Variants in WWOX observed in about 807,000 individuals in gnomAD.
The protein encoded by WWOX is WW domain-containing oxidoreductase.
In WWOX, 69 loss-of-function variants were observed where a neutral mutation model predicts 46.2. The ratio of observed to expected loss-of-function variants is 1.49; its 90% CI spans 1.23 to 1.82. The LOEUF is 1.82. Ranked by LOEUF, WWOX falls within the 40% of genes most tolerant of loss-of-function variation. WWOX has a pLI of 0.00. For missense variants in WWOX, 919 were observed against 542.6 expected, an observed-to-expected ratio of 1.69 and a Z score of -6.89; for synonymous variants, 359 against 202.6, an observed-to-expected ratio of 1.77 and a Z score of -6.56.
chr16:78,305,652 A>G (rs2080122353), intron 5 of WWOX, among the ~76,000 whole-genome samples: 2 of 152,070 alleles, frequency 1.3e-5, no homozygotes, highest in African/African-American at 4.8e-5. Context: ...AAAAGAATGA[A>G]AAGCCCCTTT....
At chr16:78,811,239 A>G (rs1008705725) in intron 8 of WWOX, among the ~76,000 whole-genome samples, 3 of 152,196 alleles carry the variant, frequency 2.0e-5, no homozygotes, top group Non-Finnish European at 2.9e-5. Context: ...ACTCACATAC[A>G]TAGGTGTATT....
chr16:78,779,512 T>TA (rs2142548270), intron 8 of WWOX, among the ~76,000 whole-genome samples: 1 of 152,238 alleles, frequency 6.6e-6, no homozygotes, highest in African/African-American at 2.4e-5. Context: ...ATTGCTGACA[T>TA]TATTAGTTGC....
intron 4 of WWOX, among the ~76,000 whole-genome samples, chr16:78,117,484 A>C (rs1430042889): frequency 6.6e-6 from 1 of 151,650 alleles, no homozygotes; most frequent in African/African-American, 2.4e-5. Flanking sequence ...GCAATCAAAA[A>C]CTCACAAATC....
chr16:78,867,504 G>GTGTA (rs2044030561), intron 8 of WWOX, among the ~76,000 whole-genome samples: 1 of 151,328 alleles, frequency 6.6e-6, no homozygotes, highest in African/African-American at 2.4e-5. Flanking sequence ...GTGTGTGTGT[G>GTGTA]TGTGTGTATG....
At position 78,968,450 on chromosome 16, in the gene WWOX, C is replaced by T. The variant is rs375552483; in HGVS notation, c.1057-243158C>T. Among the ~76,000 whole-genome samples, 39 of 152,332 alleles carry T rather than the reference C, an allele frequency of 2.6e-4. No homozygotes were observed. In the South Asian group the frequency reaches 7.7e-3, roughly 30 times the overall value. On this transcript the variant is annotated intron_variant, in intron 8 of 8. Transcript: ENST00000566780. ...CAAACTGTTCCCTAGGGAGTTCTCA[C>T]CAACCTTGCAAAATGAGATGGCAGT...
At chr16:78,424,452 C>T (rs1275449459) in intron 6 of WWOX, among the ~76,000 whole-genome samples, 3 of 152,126 alleles carry the variant, frequency 2.0e-5, no homozygotes, top group African/African-American at 7.2e-5. Flanking sequence ...ATAATTTTTC[C>T]TTTATTAGTC....
chr16:78,230,388 CA>C (rs1454449403), intron 5 of WWOX, among the ~76,000 whole-genome samples: 12 of 152,192 alleles, frequency 7.9e-5, no homozygotes, highest in African/African-American at 2.9e-4. Flanking sequence ...ATGATGTACA[CA>C]AGCATTTGAC....
chr16:78,519,269 C>A (rs1027324658), intron 8 of WWOX, among the ~76,000 whole-genome samples: 10 of 152,032 alleles, frequency 6.6e-5, no homozygotes, highest in African/African-American at 2.2e-4. Context: ...GCCTAGAACC[C>A]AATGAGGGCC....
At chr16:78,929,952 T>C (rs1041561495) in intron 8 of WWOX, among the ~76,000 whole-genome samples, 7 of 152,170 alleles carry the variant, frequency 4.6e-5, no homozygotes, top group Admixed American at 6.5e-5. Context: ...TTCCCTGTGC[T>C]AACTGCCCTT....
chr16:78,764,705 G>A (rs1348772129), intron 8 of WWOX, among the ~76,000 whole-genome samples: 1 of 150,620 alleles, frequency 6.6e-6, no homozygotes, highest in East Asian at 2.0e-4. Context: ...TCTGCAAAAT[G>A]GGTGCAATTC....
intron 8 of WWOX, among the ~76,000 whole-genome samples, chr16:78,989,174 G>T (rs982392158): frequency 6.6e-6 from 1 of 152,040 alleles, no homozygotes; most frequent in African/African-American, 2.4e-5. Flanking sequence ...TCTCCCCAGG[G>T]TTAGTGAGTA....
chr16:79,173,520 G>T (rs1037340770), intron 8 of WWOX, among the ~76,000 whole-genome samples: 1 of 151,992 alleles, frequency 6.6e-6, no homozygotes, highest in African/African-American at 2.4e-5. Flanking sequence ...CTGAGAAGCA[G>T]TTTCCCTTGA....
At chr16:78,418,622 T>A (rs28830874) in intron 6 of WWOX, among the ~76,000 whole-genome samples, 8,773 of 152,190 alleles carry the variant, frequency 0.058, 295 homozygotes, top group South Asian at 0.14. Flanking sequence ...TAAGTGGAAT[T>A]TATCCAAACA....
At chr16:78,435,822 G>C (rs918874684) in intron 8 of WWOX, among the ~76,000 whole-genome samples, 6 of 152,114 alleles carry the variant, frequency 3.9e-5, no homozygotes, top group Non-Finnish European at 7.3e-5. Context: ...GTCTCATTAC[G>C]ATGAAAATTG....
intron 4 of WWOX, among the ~76,000 whole-genome samples, chr16:78,151,919 G>A (rs979773971): frequency 2.6e-5 from 4 of 152,084 alleles, no homozygotes; most frequent in African/African-American, 9.7e-5. Flanking sequence ...GGCCAGGCGC[G>A]GTGGCTCACG....
intron 5 of WWOX, among the ~76,000 whole-genome samples, chr16:78,188,437 G>A (rs1217482768): frequency 2.6e-5 from 4 of 151,006 alleles, no homozygotes; most frequent in African/African-American, 7.3e-5. Context: ...GCAGTGAGCT[G>A]GGATTGTGCC....
chr16:79,166,675 C>A (rs969903859), intron 8 of WWOX, among the ~76,000 whole-genome samples: 1 of 152,148 alleles, frequency 6.6e-6, no homozygotes, highest in African/African-American at 2.4e-5. Flanking sequence ...ATGAGCTAAC[C>A]AAGGCACATG....
At chr16:78,831,520 G>C (rs562017312) in intron 8 of WWOX, among the ~76,000 whole-genome samples, 34 of 152,106 alleles carry the variant, frequency 2.2e-4, no homozygotes, top group African/African-American at 6.5e-4. Flanking sequence ...GGGAGACCCC[G>C]GTGCCCATGC....
chr16:79,183,892 G>T (rs959299145), intron 8 of WWOX, among the ~76,000 whole-genome samples: 37 of 152,116 alleles, frequency 2.4e-4, no homozygotes, highest in African/African-American at 8.4e-4. Flanking sequence ...CACTGCTCTG[G>T]TCTCTATACT....
Sources: allele counts gnomAD v4.1 joint callset (sites outside exome capture counted in the v4.1 genomes callset), GRCh38; gene constraint gnomAD v4.1.1; transcripts MANE v1.5; gene names NCBI Gene and HGNC (gene_info 2026-07-23, HGNC 2026-07-21).